TMCC3: variants seen among roughly 807,000 people sequenced by gnomAD.
The protein encoded by TMCC3 is transmembrane and coiled-coil domain protein 3.
TMCC3 carries 28 observed loss-of-function variants against 40.2 expected under a neutral mutation model. The ratio of observed to expected loss-of-function variants is 0.70; its 90% CI spans 0.52 to 0.95. The LOEUF (loss-of-function observed/expected upper bound fraction) is 0.95, where lower values mean the gene tolerates loss of function less well. Ranked by LOEUF, TMCC3 falls within the 40% of genes least tolerant of loss-of-function variation. TMCC3 has a pLI of 0.00. For missense variants in TMCC3, 554 were observed against 615.2 expected (o/e 0.90, Z 1.05); for synonymous variants, 255 against 248.5 (o/e 1.03, Z -0.25).
rs534307236 is a variant in TMCC3, at chr12:94,622,603, AC to A, written c.78+27749del. 1.2e-4 allele frequency among the ~76,000 whole-genome samples: 18 copies of A among 152,220 alleles called. 1 individual carries two copies. In the South Asian group the frequency reaches 3.7e-3, roughly 32 times the overall value. On this transcript the variant is annotated intron_variant, in intron 1 of 3. Coordinates refer to ENST00000261226, the MANE Select transcript of TMCC3 (RefSeq NM_020698.4). The stretch of plus-strand genomic sequence containing the variant: ...ATGGAGACTGATGTCGACTCAGGAA[AC>A]CTTTCTAGTCCAGGGCACATGTGAT...
intron 1 of TMCC3, among the ~76,000 whole-genome samples, chr12:94,627,145 C>T (rs192373145): frequency 6.6e-6 from 1 of 152,100 alleles, no homozygotes; most frequent in Admixed American, 6.5e-5. Flanking sequence ...TGTGAGCCAC[C>T]ACACCCAGCC....
intron 1 of TMCC3, among the ~76,000 whole-genome samples, chr12:94,604,943 A>T (rs957399904): frequency 7.2e-5 from 11 of 152,226 alleles, no homozygotes; most frequent in Admixed American, 5.9e-4. Context: ...AGAGCCTAGC[A>T]AGGAGCACAT....
rs1178986394 is a variant in TMCC3, at chr12:94,572,330, A to ATTTTTTT, written c.1132-594_1132-593insAAAAAAA. ...TCTTTTTTTTTTTTTTTTTTTTTTG[A>ATTTTTTT]GACAGAGTTTCACTCTGTCACCCAG... On this transcript the variant is annotated intron_variant, in intron 3 of 3. Transcript: ENST00000261226. Among the ~76,000 whole-genome samples the ATTTTTTT allele has an allele frequency of 4.8e-3, 399 of 82,884 alleles. 26 individuals are homozygous for ATTTTTTT. The highest frequency in any genetic ancestry group is 0.013 in the African/African-American group (214 of 16,650). The allele number at this position is 82,884 out of a possible 152,430, so 54.4% of individuals were successfully genotyped here. A position where few individuals can be genotyped will look rare whatever the true frequency, so the allele number is the denominator to read the frequency against.
chr12:94,649,787 G>A (rs773282217), intron 1 of TMCC3, among the ~76,000 whole-genome samples: 7 of 152,246 alleles, frequency 4.6e-5, no homozygotes, highest in Non-Finnish European at 1.0e-4. Context: ...GAGGGCGCCT[G>A]CTCGGCTCGG....
chr12:94,576,881 C>T (rs536156482), intron 3 of TMCC3, among the ~76,000 whole-genome samples: 228 of 152,216 alleles, frequency 1.5e-3, no homozygotes, highest in African/African-American at 5.0e-3. Flanking sequence ...TATATTGATC[C>T]CATTATCCTT....
At chr12:94,635,368 G>A (rs905206919) in intron 1 of TMCC3, among the ~76,000 whole-genome samples, 28 of 152,236 alleles carry the variant, frequency 1.8e-4, no homozygotes, top group South Asian at 6.2e-4. Flanking sequence ...TCCATCTCCC[G>A]AGCTGCGAGC....
chr12:94,618,800 C>T (rs2138866398), intron 1 of TMCC3, among the ~76,000 whole-genome samples: 1 of 152,306 alleles, frequency 6.6e-6, no homozygotes, highest in East Asian at 1.9e-4. Context: ...TTTTGACACC[C>T]CACTGACATA....
At position 94,582,129 on chromosome 12, in the gene TMCC3, A is replaced by G; in HGVS notation, c.488T>C (p.Ile163Thr). Residue 163 changes from isoleucine to threonine, a missense_variant, in exon 2 of 4, where the codon ATA becomes ACA. Physicochemically the swap from Ile to Thr is moderately conservative, Grantham distance 89. Coordinates refer to ENST00000261226, the MANE Select transcript of TMCC3 (RefSeq NM_020698.4). ...KDISKDHLKDIHRSLKDAHVK... is the reference protein window; with the variant it reads ...KDISKDHLKDTHRSLKDAHVK... ...GTGGGCATCTTTCAAAGAGCGATGT[A>G]TATCCTTCAGGTGGTCTTTGGAAAT... The G allele has an allele frequency of 6.2e-7, 1 of 1,614,128 alleles. No individual in the cohort carries two copies. Among genetic ancestry groups the G allele is most frequent in the East Asian group, 2.2e-5 (1 of 44,874 alleles).
chr12:94,578,293 C>T, intron 3 of TMCC3, 101 bp downstream of exon 3: 1 of 1,399,378 alleles, frequency 7.1e-7, no homozygotes. Flanking sequence ...GTGCCATGTG[C>T]CAGAAACCCT....
chr12:94,621,504 A>G (rs991029976), intron 1 of TMCC3, among the ~76,000 whole-genome samples: 1 of 152,162 alleles, frequency 6.6e-6, no homozygotes, highest in Non-Finnish European at 1.5e-5. Context: ...CGAACACCAA[A>G]TTGTTAAGAG....
intron 1 of TMCC3, chr12:94,616,037 C>T: frequency 1.0e-6 from 1 of 985,348 alleles, no homozygotes; most frequent in Non-Finnish European, 1.2e-6. Flanking sequence ...ACAGCACCTA[C>T]CATATGACTC....
intron 2 of TMCC3, 40 bp downstream of exon 2, chr12:94,581,582 T>C (rs201250927): frequency 8.1e-6 from 10 of 1,234,832 alleles, no homozygotes; most frequent in Non-Finnish European, 1.0e-5. Context: ...AATAAATAAA[T>C]AAAAAATAAA....
rs955120855 is a variant in TMCC3 at position 94,568,300 on chromosome 12, G to A, written c.*3135C>T. 1.4e-5 allele frequency: 2 copies of A among 140,920 alleles called. No individual in the cohort carries two copies. The highest frequency in any genetic ancestry group is 7.4e-5 in the Admixed American group (1 of 13,596). 8.7% of individuals were successfully genotyped at this position (140,920 alleles called of 1,614,324 possible). ...TTGGCAGTTGGGGGTGGGGTGTTCT[G>A]GTTTAATCATATTCAGAGTTTGAGC... On this transcript the variant is annotated 3_prime_UTR_variant, in exon 4 of 4. Coordinates refer to ENST00000261226, the MANE Select transcript of TMCC3 (RefSeq NM_020698.4).
intron 1 of TMCC3, among the ~76,000 whole-genome samples, chr12:94,592,951 C>T: frequency 6.6e-6 from 1 of 152,024 alleles, no homozygotes; most frequent in Middle Eastern, 3.2e-3. Context: ...AATCCCAACA[C>T]TCTGGGAGGC....
chr12:94,596,942 T>C (rs1280346425), intron 1 of TMCC3, among the ~76,000 whole-genome samples: 5 of 152,000 alleles, frequency 3.3e-5, no homozygotes, highest in Non-Finnish European at 7.4e-5. Flanking sequence ...TGATGTTTCA[T>C]GGCTCTTCAC....
intron 3 of TMCC3, among the ~76,000 whole-genome samples, chr12:94,577,145 G>A (rs1299117): frequency 0.4 from 60,577 of 152,026 alleles, 12,660 homozygotes; most frequent in Non-Finnish European, 0.44. Context: ...GTATCGAAGT[G>A]CTTTAATTTC....
At chr12:94,603,134 G>T (rs1273124654) in intron 1 of TMCC3, among the ~76,000 whole-genome samples, 3 of 152,078 alleles carry the variant, frequency 2.0e-5, no homozygotes, top group African/African-American at 7.2e-5. Context: ...ACCCAGGCTG[G>T]AGTGCAGTGG....
chr12:94,650,510 G>T lies in TMCC3; in HGVS notation c.-80C>A. On this transcript the variant is annotated 5_prime_UTR_variant, in exon 1 of 4. Transcript: ENST00000261226. ...CACCGGCTGTGCTCGGGATCACCCT[G>T]GGAGCCGCGGGCGAGGGGGCGGCGC... The T allele has an allele frequency of 8.9e-7, 1 of 1,117,942 alleles. No individual in the cohort carries two copies. Among genetic ancestry groups the T allele is most frequent in the Non-Finnish European group, 1.1e-6 (1 of 891,986 alleles). The allele number at this position is 1,117,942 out of a possible 1,614,324, so 69.3% of individuals were successfully genotyped here. A position where few individuals can be genotyped will look rare whatever the true frequency, so the allele number is the denominator to read the frequency against.
chr12:94,591,286 C>T (rs902029494), intron 1 of TMCC3, among the ~76,000 whole-genome samples: 1 of 152,194 alleles, frequency 6.6e-6, no homozygotes, highest in African/African-American at 2.4e-5. Flanking sequence ...TAATTCACAA[C>T]TTCTTAAGCT....
Sources: gnomAD v4.1 joint callset for allele counts (sites outside exome capture counted in the v4.1 genomes callset) on GRCh38, gnomAD v4.1.1 for gene constraint, MANE v1.5 for transcripts, NCBI Gene and HGNC (gene_info 2026-07-23, HGNC 2026-07-21) for gene names.